Variants in ADAMTSL2 observed in about 807,000 individuals in gnomAD.
ADAMTSL2 encodes the protein ADAMTS-like protein 2.
A neutral mutation model predicts 117.0 loss-of-function variants in ADAMTSL2; 55 were observed. The ratio of observed to expected loss-of-function variants is 0.47; its 90% CI spans 0.38 to 0.59. The LOEUF (loss-of-function observed/expected upper bound fraction) is 0.59. Ranked by LOEUF, ADAMTSL2 falls within the 20% of genes least tolerant of loss-of-function variation. The pLI is 0.00. For missense variants in ADAMTSL2, 1,182 were observed against 1,354.5 expected (o/e 0.87, Z 2.00); for synonymous variants, 572 against 566.4 (o/e 1.01, Z -0.14).
intron 13 of ADAMTSL2, among the ~76,000 whole-genome samples, chr9:133,567,267 C>T (rs1830996717): frequency 6.6e-6 from 1 of 152,228 alleles, no homozygotes; most frequent in Non-Finnish European, 1.5e-5. Context: ...TGTCACTGTG[C>T]CTCGTAGACA....
At chr9:133,549,541 CTTTTTTT>C (rs33971536) in intron 9 of ADAMTSL2, among the ~76,000 whole-genome samples, 104 of 134,826 alleles carry the variant, frequency 7.7e-4, no homozygotes, top group South Asian at 2.2e-3. Flanking sequence ...CTTTCCTACT[CTTTTTTT>C]TTTTTTTTTT....
rs984616940 is a variant in ADAMTSL2, at chr9:133,556,356, C to T, written c.1649+426C>T. ...CTATTGTGGGCTCAGAGAGAGCTAG[C>T]GGTGTATTCGAGGTCACAGAGCCTG... On this transcript the variant is annotated intron_variant, in intron 11 of 18. Transcript: ENST00000651351. Among the ~76,000 whole-genome samples the T allele has an allele frequency of 9.2e-5, 14 of 152,296 alleles. No homozygotes were observed. The South Asian group carries it at 2.3e-3, about 25-fold the overall frequency.
intron 8 of ADAMTSL2, among the ~76,000 whole-genome samples, chr9:133,544,854 G>C (rs1830311685): frequency 6.6e-6 from 1 of 152,220 alleles, no homozygotes; most frequent in Non-Finnish European, 1.5e-5. Context: ...ACAGGCAGAA[G>C]CTGGGGGCCG....
At chr9:133,556,532 A>G (rs1830608624) in intron 11 of ADAMTSL2, among the ~76,000 whole-genome samples, 1 of 152,174 alleles carries the variant, frequency 6.6e-6, no homozygotes, top group South Asian at 2.1e-4. Flanking sequence ...TTCCTCCATG[A>G]GGGGCAAGAG....
At chr9:133,559,414 G>A (rs1270537409) in intron 11 of ADAMTSL2, among the ~76,000 whole-genome samples, 1 of 146,400 alleles carries the variant, frequency 6.8e-6, no homozygotes, top group East Asian at 2.0e-4. Context: ...TGTGATCTCG[G>A]CTCACTGCAA....
In ADAMTSL2 at chr9:133,568,323, A is replaced by G; in HGVS notation, c.1925A>G (p.Tyr642Cys). The change falls in exon 14 of 19, where the codon TAC becomes TGC. Residue 642 changes from tyrosine to cysteine, a missense_variant. Coordinates refer to ENST00000651351, the MANE Select transcript of ADAMTSL2 (RefSeq NM_014694.4). Reference protein sequence around the residue: ...SECSRTCGEGYQFRVVRCWKM... With the variant: ...SECSRTCGEGCQFRVVRCWKM... ...TGTTCGCGCACCTGCGGAGAGGGCT[A>G]CCAGTTCCGCGTCGTGCGCTGCTGG... The G allele has an allele frequency of 6.3e-7, 1 of 1,583,882 alleles. No homozygotes were observed. Among genetic ancestry groups the G allele is most frequent in the Non-Finnish European group, 8.6e-7 (1 of 1,165,962 alleles).
intron 12 of ADAMTSL2, among the ~76,000 whole-genome samples, chr9:133,564,607 GGAGAGAGA>G (rs1167737780): frequency 1.5e-4 from 3 of 20,544 alleles, no homozygotes; most frequent in Admixed American, 1.0e-3. Context: ...GGAGAGAGAG[GGAGAGAGA>G]GAGAGAGAGG....
intron 9 of ADAMTSL2, among the ~76,000 whole-genome samples, chr9:133,553,817 CAG>C: frequency 6.6e-6 from 1 of 152,334 alleles, no homozygotes; most frequent in East Asian, 1.9e-4. Context: ...AGGGTCTTGA[CAG>C]GGGCCTCAGC....
intron 17 of ADAMTSL2, among the ~76,000 whole-genome samples, chr9:133,571,487 A>C (rs79454516): frequency 6.6e-6 from 1 of 152,296 alleles, no homozygotes; most frequent in Middle Eastern, 3.4e-3. Flanking sequence ...CTTGCAGAGC[A>C]AACAGGTTGC....
At position 133,556,188 on chromosome 9, in the gene ADAMTSL2, A is replaced by G. The variant is rs991346604; in HGVS notation, c.1649+258A>G. 1.2e-4 allele frequency among the ~76,000 whole-genome samples: 19 copies of G among 152,312 alleles called. No homozygotes were observed. In the East Asian group the frequency reaches 2.1e-3, roughly 17 times the overall value. ...GATTAGGATCCAGGGCTGAGCCCCT[A>G]TGTGTGCAGCTGATGGGGGGAAGGG... On this transcript the variant is annotated intron_variant, in intron 11 of 18. Transcript: ENST00000651351.
chr9:133,539,901 G>A (rs1330001465), intron 5 of ADAMTSL2, 28 bp downstream of exon 5: 11 of 1,546,620 alleles, frequency 7.1e-6, no homozygotes, highest in Non-Finnish European at 7.9e-6. Context: ...GACCCACCTT[G>A]CAGGGAGCTG....
intron 11 of ADAMTSL2, among the ~76,000 whole-genome samples, chr9:133,556,724 C>T (rs1830612200): frequency 1.3e-5 from 2 of 152,148 alleles, no homozygotes; most frequent in African/African-American, 4.8e-5. Flanking sequence ...TGGACAGTCA[C>T]AGCTGGGGAC....
At position 133,554,512 on chromosome 9, in the gene ADAMTSL2, G is replaced by A. The variant is rs776340163; in HGVS notation, c.1095G>A (p.Pro365=). 93 of 1,549,720 alleles carry A rather than the reference G, an allele frequency of 6.0e-5. 1 individual carries two copies. The highest frequency in any genetic ancestry group is 1.5e-4 in the East Asian group (6 of 41,122). Residue 365 remains proline, a synonymous_variant, in exon 10 of 19, where the codon CCG becomes CCA. Transcript: ENST00000651351. The surrounding 1 kb of genome is among the most constrained non-coding windows in gnomAD (Gnocchi z 5.2). ...GGGCCGGGCTGATGGGCTTCGTCCC[G>A]CACAACGGCTCCCTCTACGGCCAGG... ...LDGAGLMGFV[P]HNGSLYGQAS... is the part of the protein sequence containing the mutation.
upstream of ADAMTSL2, chr9:133,534,588 G>T: frequency 8.3e-7 from 1 of 1,198,828 alleles, no homozygotes; most frequent in Non-Finnish European, 1.1e-6. Context: ...CGCAGAGCGG[G>T]TTAAAGTGTG....
chr9:133,556,626 G>A (rs1830610757), intron 11 of ADAMTSL2, among the ~76,000 whole-genome samples: 1 of 152,250 alleles, frequency 6.6e-6, no homozygotes, highest in Non-Finnish European at 1.5e-5. Flanking sequence ...GGCCTCCAGA[G>A]CCAAGGCCAC....
At chr9:133,563,478 A>C (rs1830796250) in intron 12 of ADAMTSL2, among the ~76,000 whole-genome samples, 1 of 152,198 alleles carries the variant, frequency 6.6e-6, no homozygotes, top group Non-Finnish European at 1.5e-5. Flanking sequence ...GTCTGCAAAC[A>C]TCTGTGATTC....
Position 133,536,606 on chromosome 9 carries a change from A to C in ADAMTSL2, c.-107A>C. ...GACCAACTAGTCCCAGATAACCTTG[A>C]GGCCTGGGCACTGGCTGGGCCCCGA... On this transcript the variant is annotated 5_prime_UTR_variant, in exon 2 of 19. Coordinates refer to ENST00000651351, the MANE Select transcript of ADAMTSL2 (RefSeq NM_014694.4). 1 of 1,612,222 alleles carries C rather than the reference A, an allele frequency of 6.2e-7. No individual in the cohort carries two copies. Among genetic ancestry groups the C allele is most frequent in the Non-Finnish European group, 8.5e-7 (1 of 1,179,142 alleles).
intron 15 of ADAMTSL2, 118 bp from the exon 16 acceptor site, chr9:133,569,290 T>C: frequency 2.0e-6 from 2 of 997,896 alleles, no homozygotes; most frequent in Admixed American, 4.3e-5. Context: ...GTGGTTACCA[T>C]GGCAACCGCT....
At chr9:133,565,387 G>T (rs1588306452) in intron 12 of ADAMTSL2, among the ~76,000 whole-genome samples, 1 of 152,156 alleles carries the variant, frequency 6.6e-6, no homozygotes, top group East Asian at 1.9e-4. Context: ...GGCCTGCCGC[G>T]TTTCCACTCC....
Sources: allele counts gnomAD v4.1 joint callset (sites outside exome capture counted in the v4.1 genomes callset), GRCh38; gene constraint gnomAD v4.1.1; non-coding constraint Gnocchi (gnomAD v3.1); transcripts MANE v1.5; gene names NCBI Gene and HGNC (gene_info 2026-07-23, HGNC 2026-07-21).